The following MSL3 variants were observed in gnomAD, a reference collection of about 807,000 sequenced individuals.
MSL3 encodes the protein MSL3-like 1.
Under a neutral mutation model 37.2 loss-of-function variants are expected in MSL3, and 5 were observed. That is an observed-to-expected ratio of 0.13 (90% CI 0.07 to 0.28). The LOEUF (loss-of-function observed/expected upper bound fraction) is 0.28, where lower values mean the gene tolerates loss of function less well. MSL3 is among the 10% of genes least tolerant of loss of function. The pLI is 1.00. For synonymous variants in MSL3, 149 were observed against 147.6 expected (o/e 1.01, Z -0.07); for missense variants, 315 against 408.5 (o/e 0.77, Z 1.97).
intron 8 of MSL3, among the ~76,000 whole-genome samples, chrX:11,764,952 T>A (rs1754904107): frequency 8.9e-6 from 1 of 112,738 alleles, no homozygotes; most frequent in Non-Finnish European, 1.9e-5. Flanking sequence ...TTGAGACTCC[T>A]CCGGGGTGGG....
In MSL3 at chrX:11,773,292, A is replaced by G. The variant is rs1457439537; in HGVS notation, c.1466+587A>G. Among the ~76,000 whole-genome samples, 3 of 111,634 alleles carry G rather than the reference A, an allele frequency of 2.7e-5. No individual in the cohort carries two copies. In the East Asian group the frequency reaches 8.4e-4, roughly 31 times the overall value. On this transcript the variant is annotated intron_variant, in intron 12 of 12. Transcript: ENST00000312196. ...CTCTGCTGTGTCCTCTCCCTTCCAGATGATGTCTATGGACCACTTTCTCTC... is the reference window on the plus strand; with the variant it reads ...CTCTGCTGTGTCCTCTCCCTTCCAGGTGATGTCTATGGACCACTTTCTCTC...
At chrX:11,771,198 T>C (rs1191934622) in intron 10 of MSL3, among the ~76,000 whole-genome samples, 1 of 112,655 alleles carries the variant, frequency 8.9e-6, no homozygotes, top group Non-Finnish European at 1.9e-5. Flanking sequence ...GCTGGTGGAC[T>C]TCCTCCAGTC....
chrX:11,770,394 C>T (rs952936397), intron 10 of MSL3, among the ~76,000 whole-genome samples: 2 of 111,873 alleles, frequency 1.8e-5, no homozygotes, highest in Non-Finnish European at 3.8e-5. Flanking sequence ...ATTTAAGGGG[C>T]ATCTGAGTTG....
rs374385773 is a variant in MSL3 at position 11,765,846 on chromosome X, A to G, written c.1171+117A>G. Reference sequence around the variant, plus strand: ...TGTGTGTACAGTGCGTGTGATTCCCATGTCCAAAGTGCTGTCATGCTGCCT... The same window carrying G: ...TGTGTGTACAGTGCGTGTGATTCCCGTGTCCAAAGTGCTGTCATGCTGCCT... On this transcript the variant is annotated intron_variant, in intron 9 of 12. Transcript: ENST00000312196. The G allele has an allele frequency of 6.9e-5, 78 of 1,128,549 alleles. No individual in the cohort carries two copies. In the African/African-American group the frequency reaches 1.3e-3, roughly 19 times the overall value. The allele number at this position is 1,128,549 out of a possible 1,213,427, so 93.0% of individuals were successfully genotyped here. A position where few individuals can be genotyped will look rare whatever the true frequency, so the allele number is the denominator to read the frequency against.
chrX:11,764,099 C>A, intron 8 of MSL3, 161 bp downstream of exon 8: 2 of 454,548 alleles, frequency 4.4e-6, no homozygotes, highest in South Asian at 4.6e-5. Context: ...CCTGGGTAAG[C>A]TAAGTCATCA....
chrX:11,761,002 A>G, intron 4 of MSL3, 65 bp downstream of exon 4: 1 of 824,035 alleles, frequency 1.2e-6, no homozygotes, highest in South Asian at 2.6e-5. Context: ...AGAAGGATTC[A>G]CTGAAATTCT....
Position 11,761,412 on chromosome X carries a change from A to G in MSL3, c.383-88A>G, listed in dbSNP as rs985124744. On this transcript the variant is annotated intron_variant, in intron 4 of 12. Transcript: ENST00000312196. ...GGAATTGCAGTTTATTATTTCCAGT[A>G]GCACCCACACTACACGTGAAGATCT... The G allele has an allele frequency of 8.3e-6, 4 of 484,475 alleles. No homozygotes were observed. In the African/African-American group the frequency reaches 9.9e-5, roughly 12 times the overall value. 39.9% of individuals were successfully genotyped at this position (484,475 alleles called of 1,213,427 possible).
chrX:11,762,303 G>T (rs1448736937), intron 6 of MSL3, 51 bp downstream of exon 6: 22 of 1,055,970 alleles, frequency 2.1e-5, no homozygotes, highest in Non-Finnish European at 2.8e-5. Flanking sequence ...TTTTCATTTT[G>T]CCATAGTTTG....
chrX:11,765,020 T>C (rs1236898582), intron 8 of MSL3, among the ~76,000 whole-genome samples: 1 of 112,813 alleles, frequency 8.9e-6, no homozygotes, highest in Admixed American at 9.3e-5. Context: ...GTAGTTACGT[T>C]TCAACGAGGT....
chrX:11,770,951 A>G (rs1180065204), intron 10 of MSL3, among the ~76,000 whole-genome samples: 2 of 111,911 alleles, frequency 1.8e-5, no homozygotes, highest in African/African-American at 6.5e-5. Context: ...GATGCTGTAA[A>G]GATGCTGGAA....
intron 1 of MSL3, among the ~76,000 whole-genome samples, chrX:11,759,356 G>A (rs1332310918): frequency 8.9e-6 from 1 of 111,794 alleles, no homozygotes; most frequent in Admixed American, 9.3e-5. Flanking sequence ...GCGGAGGGGG[G>A]GGGGCACGCC....
At chrX:11,761,063 T>C (rs1213449031) in intron 4 of MSL3, 126 bp downstream of exon 4, 12 of 500,641 alleles carry the variant, frequency 2.4e-5, no homozygotes, top group Non-Finnish European at 3.9e-5. Flanking sequence ...CCCCATTTAT[T>C]TTTGACAATT....
At chrX:11,767,090 TC>T in intron 9 of MSL3, 1 of 753,992 alleles carries the variant, frequency 1.3e-6, no homozygotes, top group Non-Finnish European at 1.6e-6. Flanking sequence ...CCCTGCCACA[TC>T]CATAAGCTCC....
intron 1 of MSL3, 170 bp downstream of exon 1, chrX:11,758,535 G>C: frequency 1.9e-6 from 2 of 1,071,053 alleles, no homozygotes; most frequent in Non-Finnish European, 2.4e-6. Flanking sequence ...CCGGGAGTCG[G>C]GGCGGGGTCT....
At chrX:11,767,517 G>A (rs1165611326) in intron 9 of MSL3, 1 of 116,647 alleles carries the variant, frequency 8.6e-6, no homozygotes, top group Admixed American at 9.5e-5. Flanking sequence ...AGCTACTTGG[G>A]AGGCTGCAGC....
At chrX:11,762,315 A>G in intron 6 of MSL3, 63 bp downstream of exon 6, 1 of 981,561 alleles carries the variant, frequency 1.0e-6, no homozygotes, top group Non-Finnish European at 1.4e-6. Flanking sequence ...CATAGTTTGC[A>G]ATCATAGACG....
rs1332910778 is a variant in MSL3 at position 11,762,840 on chromosome X, G to C, written c.592G>C (p.Val198Leu). The C allele has an allele frequency of 2.5e-6, 3 of 1,204,863 alleles. No individual in the cohort carries two copies. The highest frequency in any genetic ancestry group is 2.2e-6 in the Non-Finnish European group (2 of 892,595). ...ATGTCTATGTTTTTGTTAACAGTTA[G>C]TGAAACTTCCATGCCAGACCAACAT... Reference protein sequence around the residue: ...CYYINRRKRLVKLPCQTNIIT... With the variant: ...CYYINRRKRLLKLPCQTNIIT... Residue 198 changes from valine to leucine, a missense_variant, in exon 7 of 13, where the codon GTG becomes CTG. By Grantham distance (32) the Val-to-Leu change is conservative. Coordinates refer to ENST00000312196, the MANE Select transcript of MSL3 (RefSeq NM_078629.4).
intron 10 of MSL3, among the ~76,000 whole-genome samples, chrX:11,769,715 C>T (rs1315686795): frequency 8.9e-6 from 1 of 112,239 alleles, no homozygotes; most frequent in Admixed American, 9.4e-5. Context: ...GCGATCCTCC[C>T]ACCTCAGCCT....
intron 9 of MSL3, 160 bp downstream of exon 9, chrX:11,765,889 A>T: frequency 9.0e-7 from 1 of 1,115,815 alleles, no homozygotes; most frequent in South Asian, 2.4e-5. Context: ...GGAGCTGTAG[A>T]AAGTTGAAAC....
Sources: gnomAD v4.1 joint callset for allele counts (sites outside exome capture counted in the v4.1 genomes callset) on GRCh38, gnomAD v4.1.1 for gene constraint, MANE v1.5 for transcripts, NCBI Gene and HGNC (gene_info 2026-07-23, HGNC 2026-07-21) for gene names.